Variants in ITIH5 observed in about 807,000 individuals in gnomAD.
The protein encoded by ITIH5 is inter-alpha-trypsin inhibitor heavy chain H5.
ITIH5 carries 65 observed loss-of-function variants against 77.5 expected under a neutral mutation model. That is an observed-to-expected ratio of 0.84 (90% CI 0.69 to 1.03). The LOEUF (loss-of-function observed/expected upper bound fraction) is 1.03. Ranked by LOEUF, ITIH5 falls within the 50% of genes least tolerant of loss-of-function variation. The pLI is 0.00. For missense variants in ITIH5, 1,208 were observed against 1,213.1 expected (o/e 1.00, Z 0.06); for synonymous variants, 525 against 494.3 (o/e 1.06, Z -0.82).
chr10:7,566,516 C>T (rs925604051), intron 12 of ITIH5, 109 bp from the exon 13 acceptor site: 25 of 1,098,206 alleles, frequency 2.3e-5, no homozygotes, highest in Non-Finnish European at 3.2e-5. Flanking sequence ...TTGCCTGAGT[C>T]CAGGAGTTCA....
At chr10:7,635,511 A>G (rs978824808) in intron 5 of ITIH5, among the ~76,000 whole-genome samples, 7 of 152,144 alleles carry the variant, frequency 4.6e-5, no homozygotes, top group African/African-American at 1.2e-4. Flanking sequence ...GTACCTTGAC[A>G]ATATTTTTGC....
At position 7,624,792 on chromosome 10, in the gene ITIH5, A is replaced by AT. The variant is rs1336891245; in HGVS notation, c.653-7511_653-7510insA. 3.3e-3 allele frequency among the ~76,000 whole-genome samples: 53 copies of AT among 16,164 alleles called. 1 individual carries two copies. Among genetic ancestry groups the AT allele is most frequent in the East Asian group, 0.014 (2 of 144 alleles). The allele number at this position is 16,164 out of a possible 152,430, so 10.6% of individuals were successfully genotyped here. A position where few individuals can be genotyped will look rare whatever the true frequency, so the allele number is the denominator to read the frequency against. Reference sequence around the variant, plus strand: ...TAGAGTGAGACTCTGCCTAAAAAAAAAAAAAAATATATATATATATACACA... The same window carrying AT: ...TAGAGTGAGACTCTGCCTAAAAAAAATAAAAAAATATATATATATATACACA... On this transcript the variant is annotated intron_variant, in intron 5 of 13. Transcript: ENST00000397146.
In ITIH5 at chr10:7,628,771, T is replaced by C. The variant is rs112262093; in HGVS notation, c.652+8457A>G. Reference sequence around the variant, plus strand: ...CATGTTGCAGCGTGTGTCCATGTTGTAGCGTGTGTCCATGTTATCATATGT... The same window carrying C: ...CATGTTGCAGCGTGTGTCCATGTTGCAGCGTGTGTCCATGTTATCATATGT... On this transcript the variant is annotated intron_variant, in intron 5 of 13. Transcript: ENST00000397146. Among the ~76,000 whole-genome samples the C allele has an allele frequency of 1.2e-4, 17 of 139,310 alleles. 1 individual carries two copies. In the East Asian group the frequency reaches 1.8e-3, roughly 15 times the overall value. 91.4% of individuals were successfully genotyped at this position (139,310 alleles called of 152,430 possible).
Position 7,576,750 on chromosome 10 carries a change from T to C in ITIH5, c.1681A>G (p.Arg561Gly), listed in dbSNP as rs759819068. 9 of 1,614,188 alleles carry C rather than the reference T, an allele frequency of 5.6e-6. No homozygotes were observed. Among genetic ancestry groups the C allele is most frequent in the Non-Finnish European group, 5.9e-6 (7 of 1,180,024 alleles). ...KAGKDVTGSP[R>G]PGGDGEGDTN... ...TCCCCCTCTCCATCGCCTCCAGGCC[T>C]GGGGCTTCCTGTGACATCTTTCCCT... The change falls in exon 10 of 14, where the codon AGG (arginine) becomes GGG (glycine). Residue 561 changes from arginine (R) to glycine (G), a missense_variant. Arg to Gly is a moderately radical substitution (Grantham distance 125). Transcript: ENST00000397146.
At chr10:7,628,897 T>C (rs1588412555) in intron 5 of ITIH5, among the ~76,000 whole-genome samples, 1 of 139,610 alleles carries the variant, frequency 7.2e-6, no homozygotes, top group Non-Finnish European at 1.6e-5. Flanking sequence ...GTCCGTGTTG[T>C]GGCATGCATC....
intron 10 of ITIH5, among the ~76,000 whole-genome samples, chr10:7,574,609 C>T (rs575395964): frequency 1.3e-5 from 2 of 151,818 alleles, no homozygotes; most frequent in South Asian, 4.2e-4. Flanking sequence ...CTGGCTAACA[C>T]GGTGAAACCC....
intron 1 of ITIH5, among the ~76,000 whole-genome samples, chr10:7,656,496 G>A (rs1337145487): frequency 2.6e-5 from 4 of 152,068 alleles, no homozygotes; most frequent in Admixed American, 6.5e-5. Context: ...ATTTATAGGC[G>A]TGAGCCACTG....
chr10:7,637,428 T>C lies in ITIH5; in HGVS notation c.452A>G (p.Asp151Gly), dbSNP rs751597223. ...ATAACTCAGGAAAAAGGCGGCTTTG[T>C]CCTTGCTGGGAATCACTGCAGAAGC... ...FRASAVIPSKDKAAFFLSYEE... is the reference protein window; with the variant it reads ...FRASAVIPSKGKAAFFLSYEE... Residue 151 changes from aspartate (D) to glycine (G), a missense_variant, in exon 5 of 14, where the codon GAC (aspartate) becomes GGC (glycine). Physicochemically the swap from Asp to Gly is moderately conservative, Grantham distance 94 (BLOSUM62 -1). Coordinates refer to ENST00000397146, the MANE Select transcript of ITIH5 (RefSeq NM_030569.7). 5 of 1,613,990 alleles carry C rather than the reference T, an allele frequency of 3.1e-6. No individual in the cohort carries two copies. The highest frequency in any genetic ancestry group is 3.4e-6 in the Non-Finnish European group (4 of 1,179,868).
chr10:7,583,953 C>A (rs1314185285), intron 8 of ITIH5, among the ~76,000 whole-genome samples: 3 of 152,164 alleles, frequency 2.0e-5, no homozygotes, highest in African/African-American at 7.2e-5. Context: ...AAAATAATGG[C>A]CACATCTGAT....
At chr10:7,587,122 A>AAGGCTCAGTTTTTGGCCTTTCATCCT (rs1832695462) in intron 7 of ITIH5, among the ~76,000 whole-genome samples, 1 of 152,010 alleles carries the variant, frequency 6.6e-6, no homozygotes, top group Non-Finnish European at 1.5e-5. Context: ...GAGCCACTGC[A>AAGGCTCAGTTTTTGGCCTTTCATCCT]CCCGGCTTGG....
rs1248975589 is a variant in ITIH5 at position 7,585,830 on chromosome 10, A to AAACC, written c.1108+70_1108+71insGGTT. On this transcript the variant is annotated intron_variant, in intron 8 of 13. Coordinates refer to ENST00000397146, the MANE Select transcript of ITIH5 (RefSeq NM_030569.7). ...TTCAAATCCTTATCTCTTGGCAAAA[A>AAACC]AAAAAAAAAACCAAAAAAAAAAACA... 3 of 1,224,062 alleles carry AAACC rather than the reference A, an allele frequency of 2.5e-6. No individual in the cohort carries two copies. In the East Asian group the frequency reaches 8.6e-5, roughly 35 times the overall value. The allele number at this position is 1,224,062 out of a possible 1,614,324, so 75.8% of individuals were successfully genotyped here.
At chr10:7,629,993 T>G (rs1833687239) in intron 5 of ITIH5, among the ~76,000 whole-genome samples, 1 of 152,178 alleles carries the variant, frequency 6.6e-6, no homozygotes, top group Admixed American at 6.5e-5. Flanking sequence ...GAGCTGTACT[T>G]TTGGGTGTGA....
At chr10:7,587,281 A>G (rs1832699013) in intron 7 of ITIH5, among the ~76,000 whole-genome samples, 1 of 152,252 alleles carries the variant, frequency 6.6e-6, no homozygotes. Context: ...TGAAACCAGA[A>G]ATACTCTAGG....
At chr10:7,643,681 C>A (rs1414532705) in intron 2 of ITIH5, among the ~76,000 whole-genome samples, 1 of 152,204 alleles carries the variant, frequency 6.6e-6, no homozygotes, top group Non-Finnish European at 1.5e-5. Context: ...TTTATTTCAG[C>A]CCTCATCTGC....
At chr10:7,645,905 C>T (rs1244626203) in intron 2 of ITIH5, among the ~76,000 whole-genome samples, 3 of 152,050 alleles carry the variant, frequency 2.0e-5, no homozygotes, top group African/African-American at 7.2e-5. Context: ...AGCATGACAA[C>T]CTGTGGGGTT....
chr10:7,567,334 A>ATTATTAT (rs1327137724), intron 12 of ITIH5, among the ~76,000 whole-genome samples: 1 of 147,630 alleles, frequency 6.8e-6, no homozygotes, highest in Admixed American at 6.8e-5. Context: ...TATTATTATT[A>ATTATTAT]TTATTATTAT....
chr10:7,593,346 GCAGCCACCCAGCCCCAC>G, intron 7 of ITIH5, among the ~76,000 whole-genome samples: 1 of 142,418 alleles, frequency 7.0e-6, no homozygotes, highest in African/African-American at 2.6e-5. Context: ...CCTACAGACT[GCAGCCACCCAGCCCCAC>G]TCACCCCTGC....
intron 4 of ITIH5, among the ~76,000 whole-genome samples, chr10:7,638,123 A>C (rs905884774): frequency 6.6e-6 from 1 of 152,214 alleles, no homozygotes; most frequent in Non-Finnish European, 1.5e-5. Flanking sequence ...TAGAGCAAGA[A>C]TTTTATAGCT....
intron 7 of ITIH5, among the ~76,000 whole-genome samples, chr10:7,598,119 A>T (rs1015548712): frequency 7.2e-5 from 11 of 152,226 alleles, no homozygotes; most frequent in African/African-American, 1.9e-4. Flanking sequence ...GGGTTATGAA[A>T]ATGCCTAAAG....
Sources: gnomAD v4.1 joint callset for allele counts (sites outside exome capture counted in the v4.1 genomes callset) on GRCh38, gnomAD v4.1.1 for gene constraint, MANE v1.5 for transcripts, NCBI Gene and HGNC (gene_info 2026-07-23, HGNC 2026-07-21) for gene names.